Variants in MB21D2 observed in about 807,000 individuals in gnomAD.
MB21D2 encodes nucleotidyltransferase MB21D2.
In MB21D2, 9 loss-of-function variants were observed where a neutral mutation model predicts 33.3. The ratio of observed to expected loss-of-function variants is 0.27; its 90% CI spans 0.16 to 0.47. The LOEUF (loss-of-function observed/expected upper bound fraction) is 0.47. Among genes scored for constraint, MB21D2 ranks in the 20% least tolerant of loss-of-function variants. The probability of loss-of-function intolerance (pLI) is 0.99; values close to 1 mark genes in which losing one functional copy is unlikely to be tolerated. For synonymous variants in MB21D2, 241 were observed against 236.3 expected, an observed-to-expected ratio of 1.02 and a Z score of -0.18; for missense variants, 540 against 624.6, an observed-to-expected ratio of 0.86 and a Z score of 1.44.
Position 192,869,270 on chromosome 3 carries a change from G to A in MB21D2, c.211+48360C>T, listed in dbSNP as rs150404577. On this transcript the variant is annotated intron_variant, in intron 1 of 1. Coordinates refer to ENST00000392452, the MANE Select transcript of MB21D2 (RefSeq NM_178496.4). ...GACTCCATGTCAAAAAAAAAGAAAG[G>A]AAGGAAGGAAGGAAGGAGGGGAGGA... Among the ~76,000 whole-genome samples, 945 of 127,876 alleles carry A rather than the reference G, an allele frequency of 7.4e-3. 11 individuals carry two copies. The highest frequency in any genetic ancestry group is 0.029 in the African/African-American group (890 of 30,180). 83.9% of individuals were successfully genotyped at this position (127,876 alleles called of 152,430 possible). A position where few individuals can be genotyped will look rare whatever the true frequency, so the allele number is the denominator to read the frequency against.
At chr3:192,830,813 G>A (rs564250910) in intron 1 of MB21D2, among the ~76,000 whole-genome samples, 4 of 152,306 alleles carry the variant, frequency 2.6e-5, no homozygotes, top group Admixed American at 2.6e-4. Context: ...CAGAATCTGT[G>A]CTTTAACAGA....
At chr3:192,830,271 G>GT (rs1712286882) in intron 1 of MB21D2, among the ~76,000 whole-genome samples, 1 of 142,022 alleles carries the variant, frequency 7.0e-6, no homozygotes, top group African/African-American at 2.7e-5. Context: ...TGTGTGTGTG[G>GT]GTGTCAAAGG....
chr3:192,834,401 G>T (rs1297807142), intron 1 of MB21D2, among the ~76,000 whole-genome samples: 1 of 139,034 alleles, frequency 7.2e-6, no homozygotes, highest in South Asian at 2.3e-4. Flanking sequence ...GACTGAGGAA[G>T]TAATTTTCCC....
At chr3:192,907,944 A>G (rs542067849) in intron 1 of MB21D2, among the ~76,000 whole-genome samples, 2 of 152,326 alleles carry the variant, frequency 1.3e-5, no homozygotes, top group African/African-American at 4.8e-5. Context: ...AAGGAAGGGA[A>G]CATCCCTATG....
At chr3:192,821,210 T>C (rs1417432274) in intron 1 of MB21D2, among the ~76,000 whole-genome samples, 1 of 152,190 alleles carries the variant, frequency 6.6e-6, no homozygotes, top group Non-Finnish European at 1.5e-5. Flanking sequence ...AGGTTTCTTG[T>C]GAATTGTTAT....
intron 1 of MB21D2, among the ~76,000 whole-genome samples, chr3:192,846,234 T>C (rs1364723828): frequency 6.6e-6 from 1 of 152,192 alleles, no homozygotes; most frequent in Non-Finnish European, 1.5e-5. Flanking sequence ...GTGTATCTTA[T>C]TAATCCATAT....
chr3:192,828,308 T>G (rs1408146380), intron 1 of MB21D2, among the ~76,000 whole-genome samples: 1 of 151,648 alleles, frequency 6.6e-6, no homozygotes, highest in Admixed American at 6.6e-5. Context: ...GTGTGGGTTT[T>G]AAAAAGCCAC....
rs1031622164 is a variant in MB21D2, at chr3:192,867,258, G to GCCCT, written c.211+50368_211+50371dup. Reference sequence around the variant, plus strand: ...AAGCAAAAATGCAACAAGCAAAGATGCCCTCTACAACACAATCAAAACAGG... The same window carrying GCCCT: ...AAGCAAAAATGCAACAAGCAAAGATGCCCTCCCTCTACAACACAATCAAAACAGG... On this transcript the variant is annotated intron_variant, in intron 1 of 1. Transcript: ENST00000392452. Among the ~76,000 whole-genome samples, 70 of 152,204 alleles carry GCCCT rather than the reference G, an allele frequency of 4.6e-4. 1 individual carries two copies. Among genetic ancestry groups the GCCCT allele is most frequent in the African/African-American group, 1.7e-3 (70 of 41,538 alleles).
chr3:192,851,629 G>C (rs1173577680), intron 1 of MB21D2, among the ~76,000 whole-genome samples: 3 of 151,128 alleles, frequency 2.0e-5, no homozygotes, highest in African/African-American at 7.3e-5. Flanking sequence ...AGAGTAGATG[G>C]GATTAAGGGC....
At chr3:192,860,127 T>C (rs1479357510) in intron 1 of MB21D2, among the ~76,000 whole-genome samples, 1 of 152,204 alleles carries the variant, frequency 6.6e-6, no homozygotes, top group Non-Finnish European at 1.5e-5. Context: ...AGCCAATGAA[T>C]GTAGGACAGG....
In MB21D2 at chr3:192,909,180, C is replaced by A. The variant is rs558327346; in HGVS notation, c.211+8450G>T. Among the ~76,000 whole-genome samples, 84 of 151,226 alleles carry A rather than the reference C, an allele frequency of 5.6e-4. 1 individual carries two copies. Among genetic ancestry groups the A allele is most frequent in the Middle Eastern group, 3.4e-3 (1 of 292 alleles). On this transcript the variant is annotated intron_variant, in intron 1 of 1. Transcript: ENST00000392452. ...CTGAGGCAGGAGAATGGTGTGAACC[C>A]GGGAGGCGGAGCTTGCAGTGAGCCG...
chr3:192,856,198 A>T (rs1712913084), intron 1 of MB21D2, among the ~76,000 whole-genome samples: 1 of 152,282 alleles, frequency 6.6e-6, no homozygotes, highest in Non-Finnish European at 1.5e-5. Context: ...CAGAGGGGAC[A>T]CTCTGGTCTT....
chr3:192,869,739 T>C (rs1246432684), intron 1 of MB21D2, among the ~76,000 whole-genome samples: 1 of 152,156 alleles, frequency 6.6e-6, no homozygotes, highest in African/African-American at 2.4e-5. Flanking sequence ...AGGAAGCATA[T>C]CTGCCATCAA....
chr3:192,914,567 T>G (rs762499826), intron 1 of MB21D2, among the ~76,000 whole-genome samples: 1 of 152,222 alleles, frequency 6.6e-6, no homozygotes, highest in Non-Finnish European at 1.5e-5. Flanking sequence ...TTTTGATAAA[T>G]GGTGTTTATT....
At chr3:192,883,601 C>G (rs965185413) in intron 1 of MB21D2, among the ~76,000 whole-genome samples, 15 of 152,018 alleles carry the variant, frequency 9.9e-5, no homozygotes, top group Admixed American at 5.9e-4. Flanking sequence ...GAAAAGGAAA[C>G]GATCCATTAG....
chr3:192,909,936 C>CA (rs61613458), intron 1 of MB21D2, among the ~76,000 whole-genome samples: 1,140 of 52,826 alleles, frequency 0.022, 156 homozygotes, highest in African/African-American at 0.029. Flanking sequence ...GACTCTGTCT[C>CA]AAAAAAAAAA....
At chr3:192,817,138 T>TAA (rs1711944556) in intron 1 of MB21D2, among the ~76,000 whole-genome samples, 1 of 152,250 alleles carries the variant, frequency 6.6e-6, no homozygotes, top group Non-Finnish European at 1.5e-5. Context: ...CTCCCTGTTT[T>TAA]TCTTTTAATT....
chr3:192,899,078 C>T (rs1714038096), intron 1 of MB21D2, among the ~76,000 whole-genome samples: 1 of 152,214 alleles, frequency 6.6e-6, no homozygotes, highest in African/African-American at 2.4e-5. Context: ...ATGTTTGTGT[C>T]TTTACCTTAA....
intron 1 of MB21D2, among the ~76,000 whole-genome samples, chr3:192,827,029 C>G (rs1042889412): frequency 1.3e-5 from 2 of 151,972 alleles, no homozygotes; most frequent in African/African-American, 4.8e-5. Flanking sequence ...GTAGCTGAGA[C>G]TACAGTAGGT....
Sources: gnomAD v4.1 joint callset for allele counts (sites outside exome capture counted in the v4.1 genomes callset) on GRCh38, gnomAD v4.1.1 for gene constraint, MANE v1.5 for transcripts, NCBI Gene and HGNC (gene_info 2026-07-23, HGNC 2026-07-21) for gene names.